NKAIN2: variants seen among roughly 807,000 people sequenced by gnomAD.
NKAIN2 encodes sodium/potassium-transporting ATPase subunit beta-1-interacting protein 2.
In NKAIN2, 14 loss-of-function variants were observed where a neutral mutation model predicts 32.6. The ratio of observed to expected loss-of-function variants is 0.43; its 90% CI spans 0.28 to 0.67. The LOEUF (loss-of-function observed/expected upper bound fraction) is 0.67. NKAIN2 is among the 30% of genes least tolerant of loss of function. The pLI is 0.17. For synonymous variants in NKAIN2, 80 were observed against 87.2 expected (o/e 0.92, Z 0.46); for missense variants, 198 against 258.3 (o/e 0.77, Z 1.60).
intron 1 of NKAIN2, among the ~76,000 whole-genome samples, chr6:124,036,587 C>T (rs1781612977): frequency 6.6e-6 from 1 of 152,054 alleles, no homozygotes; most frequent in South Asian, 2.1e-4. Flanking sequence ...GGGAACTAAA[C>T]AAAGAGTTCA....
chr6:124,519,707 C>G (rs1350092401), intron 3 of NKAIN2, among the ~76,000 whole-genome samples: 1 of 152,056 alleles, frequency 6.6e-6, no homozygotes, highest in African/African-American at 2.4e-5. Flanking sequence ...AGATGAATTC[C>G]ATATTCACAA....
chr6:124,283,712 CTG>C (rs1394871935), intron 2 of NKAIN2, among the ~76,000 whole-genome samples: 1 of 152,146 alleles, frequency 6.6e-6, no homozygotes, highest in Non-Finnish European at 1.5e-5. Context: ...TGAAATCCAA[CTG>C]TGTTTCAGTT....
In NKAIN2 at chr6:123,883,009, C is replaced by T. The variant is rs139840829; in HGVS notation, c.54+78755C>T. ...CGTACATGTGTGTGTTTGTATTATA[C>T]ACGCATTGATATGGTTTGTGTCCTT... On this transcript the variant is annotated intron_variant, in intron 1 of 6. Transcript: ENST00000368417. Among the ~76,000 whole-genome samples the T allele has an allele frequency of 5.8e-3, 878 of 152,084 alleles. 7 individuals are homozygous for T. Among genetic ancestry groups the T allele is most frequent in the African/African-American group, 0.02 (836 of 41,480 alleles).
At chr6:124,813,281 T>A (rs1431384892) in intron 5 of NKAIN2, among the ~76,000 whole-genome samples, 4 of 152,110 alleles carry the variant, frequency 2.6e-5, no homozygotes, top group Non-Finnish European at 4.4e-5. Flanking sequence ...ATCCAAATAT[T>A]TCTACAGTAT....
At chr6:124,735,204 C>T (rs928866666) in intron 4 of NKAIN2, among the ~76,000 whole-genome samples, 2 of 151,658 alleles carry the variant, frequency 1.3e-5, no homozygotes, top group African/African-American at 2.4e-5. Context: ...TGCAGCTGCC[C>T]AGATCTACTC....
chr6:123,913,068 T>G (rs779283673), intron 1 of NKAIN2, among the ~76,000 whole-genome samples: 5 of 152,200 alleles, frequency 3.3e-5, no homozygotes, highest in Non-Finnish European at 7.3e-5. Flanking sequence ...TATGCGTAGG[T>G]CAATACCCAA....
chr6:124,114,549 A>C (rs1183149013), intron 1 of NKAIN2, among the ~76,000 whole-genome samples: 1 of 152,144 alleles, frequency 6.6e-6, no homozygotes, highest in Non-Finnish European at 1.5e-5. Context: ...TATAGATGTT[A>C]ATAAAGCCAT....
At chr6:124,776,710 C>G (rs1443902274) in intron 4 of NKAIN2, among the ~76,000 whole-genome samples, 1 of 152,142 alleles carries the variant, frequency 6.6e-6, no homozygotes, top group African/African-American at 2.4e-5. Context: ...TTTATCACAT[C>G]TTTCTATTAT....
chr6:124,767,459 CCT>C (rs1778561631), intron 4 of NKAIN2, among the ~76,000 whole-genome samples: 1 of 152,026 alleles, frequency 6.6e-6, no homozygotes, highest in African/African-American at 2.4e-5. Context: ...TAGGCCATTA[CCT>C]TTACTCTTAA....
chr6:124,300,306 C>A lies in NKAIN2; in HGVS notation c.192+17164C>A, dbSNP rs544900704. 1.6e-4 allele frequency among the ~76,000 whole-genome samples: 24 copies of A among 152,244 alleles called. 1 individual carries two copies. In the South Asian group the frequency reaches 2.1e-3, roughly 13 times the overall value. On this transcript the variant is annotated intron_variant, in intron 2 of 6. Coordinates refer to ENST00000368417, the MANE Select transcript of NKAIN2 (RefSeq NM_001040214.3). ...TATTCCTGCACAAGCTGTCTCTTTG[C>A]CTGCTGCCACCCATGTAACACATGA...
chr6:123,830,080 C>T (rs370700176), intron 1 of NKAIN2, among the ~76,000 whole-genome samples: 4 of 152,258 alleles, frequency 2.6e-5, no homozygotes, highest in African/African-American at 9.6e-5. Flanking sequence ...TCATTCCTGA[C>T]TTTTCTCTCG....
intron 4 of NKAIN2, among the ~76,000 whole-genome samples, chr6:124,701,138 T>C (rs925859837): frequency 1.9e-3 from 223 of 118,998 alleles, no homozygotes; most frequent in African/African-American, 7.3e-3. Context: ...AGGAGAGAGA[T>C]ACACACACAC....
intron 1 of NKAIN2, among the ~76,000 whole-genome samples, chr6:123,928,209 A>G (rs1257389180): frequency 1.3e-5 from 2 of 152,160 alleles, no homozygotes; most frequent in Admixed American, 6.5e-5. Context: ...TTGAGTACTC[A>G]TGGACATAAA....
chr6:124,331,511 A>G, intron 2 of NKAIN2, among the ~76,000 whole-genome samples: 1 of 148,564 alleles, frequency 6.7e-6, no homozygotes, highest in East Asian at 2.0e-4. Context: ...CCTGGGTGAC[A>G]GAGCGAGACT....
chr6:123,882,939 C>T (rs770686446), intron 1 of NKAIN2, among the ~76,000 whole-genome samples: 1 of 152,018 alleles, frequency 6.6e-6, no homozygotes, highest in Non-Finnish European at 1.5e-5. Flanking sequence ...GCTGGTGAAA[C>T]GGTGAGCCTT....
At chr6:124,382,066 G>T (rs1487043380) in intron 3 of NKAIN2, among the ~76,000 whole-genome samples, 1 of 152,012 alleles carries the variant, frequency 6.6e-6, no homozygotes, top group East Asian at 1.9e-4. Flanking sequence ...TTTAGGAACA[G>T]TATTTCTTTT....
chr6:123,827,960 A>G (rs544601709), intron 1 of NKAIN2, among the ~76,000 whole-genome samples: 3 of 152,190 alleles, frequency 2.0e-5, no homozygotes, highest in Admixed American at 1.3e-4. Context: ...ACTTTTGTAG[A>G]ATCAGCATAC....
chr6:124,307,126 A>C (rs2114991300), intron 2 of NKAIN2, among the ~76,000 whole-genome samples: 1 of 152,178 alleles, frequency 6.6e-6, no homozygotes, highest in Admixed American at 6.6e-5. Flanking sequence ...TTCTGACATA[A>C]ATTTAGTATA....
intron 2 of NKAIN2, among the ~76,000 whole-genome samples, chr6:124,297,403 G>T (rs1796100124): frequency 1.3e-5 from 2 of 152,000 alleles, no homozygotes; most frequent in South Asian, 4.2e-4. Flanking sequence ...ATGTAAAAGT[G>T]GATCATTATA....
Sources: allele counts gnomAD v4.1 joint callset (sites outside exome capture counted in the v4.1 genomes callset), GRCh38; gene constraint gnomAD v4.1.1; transcripts MANE v1.5; gene names NCBI Gene and HGNC (gene_info 2026-07-23, HGNC 2026-07-21).